TTC28: variants seen among roughly 807,000 people sequenced by gnomAD.
TTC28 encodes tetratricopeptide repeat protein 28.
TTC28 carries 61 observed loss-of-function variants against 198.0 expected under a neutral mutation model. That is an observed-to-expected ratio of 0.31 (90% confidence interval 0.25 to 0.38). The LOEUF (loss-of-function observed/expected upper bound fraction) is 0.38. Ranked by LOEUF, TTC28 falls within the 10% of genes least tolerant of loss-of-function variation. The pLI is 1.00. For missense variants in TTC28, 2,678 were observed against 3,164.0 expected (o/e 0.85, Z 3.69); for synonymous variants, 1,171 against 1,297.8 (o/e 0.90, Z 2.10).
chr22:28,616,200 G>A (rs2050902635), intron 2 of TTC28, among the ~76,000 whole-genome samples: 1 of 152,100 alleles, frequency 6.6e-6, no homozygotes, highest in Admixed American at 6.5e-5. Flanking sequence ...ACATCAACCT[G>A]GGTTTAAGTC....
intron 2 of TTC28, among the ~76,000 whole-genome samples, chr22:28,427,475 A>G (rs899728236): frequency 1.6e-4 from 24 of 152,242 alleles, no homozygotes; most frequent in Admixed American, 1.4e-3. Flanking sequence ...ACATGGCGAA[A>G]CCCCGTCTCT....
At chr22:28,450,914 T>C (rs1338133321) in intron 2 of TTC28, among the ~76,000 whole-genome samples, 1 of 152,198 alleles carries the variant, frequency 6.6e-6, no homozygotes, top group Non-Finnish European at 1.5e-5. Context: ...GGCTTTCTGC[T>C]TGGAGGCACC....
Position 28,387,786 on chromosome 22 carries a change from T to C in TTC28, c.382-81143A>G, listed in dbSNP as rs539922044. Among the ~76,000 whole-genome samples the C allele has an allele frequency of 4.2e-4, 64 of 152,168 alleles. No homozygotes were observed. In the East Asian group the frequency reaches 4.8e-3, roughly 11 times the overall value. On this transcript the variant is annotated intron_variant, in intron 2 of 22. Coordinates refer to ENST00000397906, the MANE Select transcript of TTC28 (RefSeq NM_001145418.2). ...TAGGTTGCGAAAATTTTCTCCCATTTTGTAGGTTGCCTGTTCACTCTGATG... is the reference window on the plus strand; with the variant it reads ...TAGGTTGCGAAAATTTTCTCCCATTCTGTAGGTTGCCTGTTCACTCTGATG...
At chr22:28,187,112 T>A (rs1453727052) in intron 5 of TTC28, among the ~76,000 whole-genome samples, 1 of 152,178 alleles carries the variant, frequency 6.6e-6, no homozygotes, top group Non-Finnish European at 1.5e-5. Flanking sequence ...TCTGTAGTTG[T>A]TTATGTGGCT....
intron 5 of TTC28, among the ~76,000 whole-genome samples, chr22:28,261,134 T>TCC (rs1931292237): frequency 6.6e-6 from 1 of 152,126 alleles, no homozygotes; most frequent in Admixed American, 6.6e-5. Context: ...TCTTGATTCC[T>TCC]CCCAAGGGCA....
chr22:28,314,812 G>A (rs998070641), intron 2 of TTC28, among the ~76,000 whole-genome samples: 2 of 152,174 alleles, frequency 1.3e-5, no homozygotes, highest in South Asian at 2.1e-4. Flanking sequence ...GTTCAAAGCC[G>A]TAGTGAGCTA....
chr22:28,582,422 G>A (rs1197349623), intron 2 of TTC28, among the ~76,000 whole-genome samples: 1 of 152,114 alleles, frequency 6.6e-6, no homozygotes, highest in Non-Finnish European at 1.5e-5. Context: ...GCTGGTAACA[G>A]TACTGTATAA....
At chr22:28,420,271 G>A (rs987616154) in intron 2 of TTC28, among the ~76,000 whole-genome samples, 1 of 152,016 alleles carries the variant, frequency 6.6e-6, no homozygotes, top group Admixed American at 6.5e-5. Flanking sequence ...GATAACTAGG[G>A]CTGCAGTAAA....
At chr22:28,055,335 G>A (rs2146717464) in intron 12 of TTC28, among the ~76,000 whole-genome samples, 1 of 152,224 alleles carries the variant, frequency 6.6e-6, no homozygotes, top group African/African-American at 2.4e-5. Context: ...GGAAGAGCAA[G>A]ATTGGTATAC....
At chr22:28,209,509 G>T (rs999759634) in intron 5 of TTC28, among the ~76,000 whole-genome samples, 9 of 152,178 alleles carry the variant, frequency 5.9e-5, no homozygotes, top group African/African-American at 1.9e-4. Context: ...TGGATCAGAG[G>T]GTCCCACGCC....
At chr22:28,576,800 T>C (rs909502908) in intron 2 of TTC28, among the ~76,000 whole-genome samples, 1 of 152,080 alleles carries the variant, frequency 6.6e-6, no homozygotes, top group African/African-American at 2.4e-5. Flanking sequence ...CTCTAATCCT[T>C]TGAATTTCTG....
chr22:28,049,177 C>T (rs1939982103), intron 12 of TTC28, among the ~76,000 whole-genome samples: 1 of 152,178 alleles, frequency 6.6e-6, no homozygotes, highest in Non-Finnish European at 1.5e-5. Flanking sequence ...CGTATAAGGA[C>T]TCCTGAAGGC....
At chr22:28,205,582 A>G (rs1601472964) in intron 5 of TTC28, among the ~76,000 whole-genome samples, 1 of 152,230 alleles carries the variant, frequency 6.6e-6, no homozygotes, top group East Asian at 1.9e-4. Flanking sequence ...TGAATGATTG[A>G]CCTATTTGGC....
intron 5 of TTC28, among the ~76,000 whole-genome samples, chr22:28,225,371 GA>G (rs2147213746): frequency 7.0e-5 from 1 of 14,248 alleles, no homozygotes; most frequent in Admixed American, 6.5e-4. Context: ...AAAAAGAAAA[GA>G]AGAAGAAGAA....
chr22:28,628,064 C>A (rs997842021), intron 2 of TTC28, among the ~76,000 whole-genome samples: 2 of 151,992 alleles, frequency 1.3e-5, no homozygotes, highest in Non-Finnish European at 1.5e-5. Flanking sequence ...TGCCACCATA[C>A]CTGGCTAATT....
At chr22:28,485,794 T>C (rs920550471) in intron 2 of TTC28, among the ~76,000 whole-genome samples, 1 of 152,140 alleles carries the variant, frequency 6.6e-6, no homozygotes, top group Admixed American at 6.5e-5. Flanking sequence ...AGTAACAAAC[T>C]ACTCAAGCCA....
At chr22:28,384,858 T>C (rs2046552309) in intron 2 of TTC28, among the ~76,000 whole-genome samples, 2 of 152,060 alleles carry the variant, frequency 1.3e-5, no homozygotes, top group South Asian at 4.1e-4. Flanking sequence ...ATTAGACAGG[T>C]GGCTGGGCGT....
At chr22:28,515,124 T>C (rs2048759637) in intron 2 of TTC28, among the ~76,000 whole-genome samples, 2 of 152,218 alleles carry the variant, frequency 1.3e-5, no homozygotes, top group Admixed American at 6.5e-5. Flanking sequence ...AAGTTGTAAA[T>C]AATAATTCAT....
At chr22:28,060,628 G>A in intron 12 of TTC28, among the ~76,000 whole-genome samples, 1 of 152,178 alleles carries the variant, frequency 6.6e-6, no homozygotes, top group Non-Finnish European at 1.5e-5. Flanking sequence ...GGGATGGCTG[G>A]GTCAAATGGT....
Sources: allele counts gnomAD v4.1 joint callset (sites outside exome capture counted in the v4.1 genomes callset), GRCh38; gene constraint gnomAD v4.1.1; transcripts MANE v1.5; gene names NCBI Gene and HGNC (gene_info 2026-07-23, HGNC 2026-07-21).